Variants in CTC1 observed in about 807,000 individuals in gnomAD.
The protein encoded by CTC1 is CST telomere replication complex component 1, also known as CST complex subunit CTC1.
Under a neutral mutation model 136.3 loss-of-function variants are expected in CTC1, and 91 were observed. The ratio of observed to expected loss-of-function variants is 0.67; its 90% confidence interval spans 0.56 to 0.79. The LOEUF (loss-of-function observed/expected upper bound fraction) is 0.79. CTC1 is among the 30% of genes least tolerant of loss of function. CTC1 has a pLI of 0.00. For synonymous variants in CTC1, 606 were observed against 613.8 expected, an observed-to-expected ratio of 0.99 and a Z score of 0.19; for missense variants, 1,432 against 1,498.1, an observed-to-expected ratio of 0.96 and a Z score of 0.73.
At position 8,229,122 on chromosome 17, in the gene CTC1, T is replaced by C; in HGVS notation, c.3221+20A>G. 1.2e-6 allele frequency: 2 copies of C among 1,612,544 alleles called. No homozygotes were observed. The highest frequency in any genetic ancestry group is 1.7e-6 in the Non-Finnish European group (2 of 1,179,558). ...TCTCATAAGTAAATGGCACAATGGGTGCACGCCTTGTGCTCTCACCTGATG... is the reference window on the plus strand; with the variant it reads ...TCTCATAAGTAAATGGCACAATGGGCGCACGCCTTGTGCTCTCACCTGATG... On this transcript the variant is annotated intron_variant, in intron 20 of 22. Transcript: ENST00000651323.
intron 11 of CTC1, 127 bp from the exon 12 acceptor site, chr17:8,232,602 C>T: frequency 1.3e-6 from 1 of 755,294 alleles, no homozygotes; most frequent in Non-Finnish European, 2.2e-6. Flanking sequence ...GACATGAAAG[C>T]CCACACCTGA....
In CTC1 at chr17:8,234,495, G is replaced by A. The variant is rs767152748; in HGVS notation, c.1778C>T (p.Ser593Phe). The change falls in exon 10 of 23, where the codon TCC becomes TTC. Residue 593 changes from serine (S) to phenylalanine (F), a missense_variant. By Grantham distance (155) the Ser-to-Phe change is radical. Coordinates refer to ENST00000651323, the MANE Select transcript of CTC1 (RefSeq NM_025099.6). ...SCQLNRRLAW[S>F]WLCLLPSAFC... Reference sequence around the variant, plus strand: ...GGCAGAGGGCAGCAGACAGAGCCAGGACCAAGCCAGGCGGCGATTGAGTTG... The same window carrying A: ...GGCAGAGGGCAGCAGACAGAGCCAGAACCAAGCCAGGCGGCGATTGAGTTG... The A allele has an allele frequency of 1.4e-5, 21 of 1,553,450 alleles. No homozygotes were observed. Among genetic ancestry groups the A allele is most frequent in the Non-Finnish European group, 1.8e-5 (21 of 1,147,760 alleles).
intron 7 of CTC1, 60 bp from the exon 8 acceptor site, chr17:8,235,345 G>A: frequency 7.4e-7 from 1 of 1,342,482 alleles, no homozygotes; most frequent in Non-Finnish European, 1.1e-6. Flanking sequence ...AATGAACCCA[G>A]GCAGAGTTAA....
intron 2 of CTC1, among the ~76,000 whole-genome samples, chr17:8,242,559 T>TATATATATATATATACAC (rs1988357637): frequency 3.3e-5 from 3 of 90,444 alleles, no homozygotes; most frequent in East Asian, 8.9e-4. Flanking sequence ...AAAAAATATA[T>TATATATATATATATACAC]ATATATATAT....
intron 7 of CTC1, 148 bp downstream of exon 7, chr17:8,235,683 G>C: frequency 1.2e-6 from 1 of 821,518 alleles, no homozygotes; most frequent in African/African-American, 1.7e-5. Context: ...TTAAGCTTCT[G>C]TCCAAGTTAT....
chr17:8,233,445 G>A (rs1987417718), intron 10 of CTC1: 1 of 161,092 alleles, frequency 6.2e-6, no homozygotes, highest in Non-Finnish European at 1.4e-5. Flanking sequence ...GCAACATAGT[G>A]AGACCCCATC....
chr17:8,235,433 C>T (rs966018908), intron 7 of CTC1, 148 bp from the exon 8 acceptor site: 1 of 635,000 alleles, frequency 1.6e-6, no homozygotes, highest in Admixed American at 2.7e-5. Flanking sequence ...CTTTCCATTA[C>T]AACCCACTCC....
In CTC1 at chr17:8,229,423, A is replaced by G; in HGVS notation, c.3035T>C (p.Leu1012Pro). The change falls in exon 19 of 23, where the codon CTG (leucine) becomes CCG (proline). Residue 1012 changes from leucine to proline, a missense_variant. Leu to Pro is a moderately conservative substitution (Grantham distance 98). Transcript: ENST00000651323. Reference protein sequence around the residue: ...TISIPLPHIYLAELLQGGQSP... With the variant: ...TISIPLPHIYPAELLQGGQSP... ...CTGACCACCCTGCAGAAGTTCAGCCAGGTAGATGTGGGGCAGGGGAATGCT... is the reference window on the plus strand; with the variant it reads ...CTGACCACCCTGCAGAAGTTCAGCCGGGTAGATGTGGGGCAGGGGAATGCT... 1 of 1,613,830 alleles carries G rather than the reference A, an allele frequency of 6.2e-7. No homozygotes were observed. The highest frequency in any genetic ancestry group is 8.5e-7 in the Non-Finnish European group (1 of 1,179,676).
Position 8,231,721 on chromosome 17 carries a change from C to T in CTC1, c.2475+5G>A, listed in dbSNP as rs1987243818. 8.1e-6 allele frequency: 13 copies of T among 1,613,546 alleles called. No homozygotes were observed. The highest frequency in any genetic ancestry group is 1.1e-5 in the Non-Finnish European group (13 of 1,179,536). On this transcript the variant is annotated splice_donor_5th_base_variant and intron_variant, in intron 14 of 22. Coordinates refer to ENST00000651323, the MANE Select transcript of CTC1 (RefSeq NM_025099.6). ...GGGAAAGGTATGATGAAGTAGGACA[C>T]TCACAGCGGGGCCAGGAGCTATGAG...
chr17:8,234,379 G>A (rs1987504271), intron 10 of CTC1, 76 bp downstream of exon 10: 1 of 1,374,384 alleles, frequency 7.3e-7, no homozygotes, highest in African/African-American at 1.4e-5. Flanking sequence ...AAGAAAGATA[G>A]TAACCGAGAC....
In CTC1 at chr17:8,226,247, G is replaced by T. The variant is rs752512394; in HGVS notation, c.*1933C>A. ...TTCAATTGAATAAAGGCACCGCTGGGATTCGAACCCAGGATCTCCTGTTTA... is the reference window on the plus strand; with the variant it reads ...TTCAATTGAATAAAGGCACCGCTGGTATTCGAACCCAGGATCTCCTGTTTA... On this transcript the variant is annotated 3_prime_UTR_variant, in exon 23 of 23. Coordinates refer to ENST00000651323, the MANE Select transcript of CTC1 (RefSeq NM_025099.6). The T allele has an allele frequency of 6.6e-6, 1 of 152,278 alleles. No homozygotes were observed. The highest frequency in any genetic ancestry group is 2.4e-5 in the African/African-American group (1 of 41,432). The allele number at this position is 152,278 out of a possible 1,614,324, so 9.4% of individuals were successfully genotyped here. A position where few individuals can be genotyped will look rare whatever the true frequency, so the allele number is the denominator to read the frequency against.
At chr17:8,238,729 C>A in intron 2 of CTC1, 100 bp from the exon 3 acceptor site, 1 of 843,900 alleles carries the variant, frequency 1.2e-6, no homozygotes, top group Non-Finnish European at 1.9e-6. Flanking sequence ...GGAAAGGTTG[C>A]AGGGAACATG....
rs745711395 is a variant in CTC1 at position 8,229,184 on chromosome 17, G to A, written c.3179C>T (p.Ser1060Phe). The A allele has an allele frequency of 3.1e-6, 5 of 1,614,176 alleles. No homozygotes were observed. The highest frequency in any genetic ancestry group is 1.7e-6 in the Non-Finnish European group (2 of 1,180,038). The change falls in exon 20 of 23, where the codon TCC (serine) becomes TTC (phenylalanine). Residue 1060 changes from serine to phenylalanine, a missense_variant. Ser to Phe is a radical substitution (Grantham distance 155). Coordinates refer to ENST00000651323, the MANE Select transcript of CTC1 (RefSeq NM_025099.6). ...CRQGKCTRLG[S>F]TCPTQTAISQ... ...TATAGCTGTCTGCGTAGGGCAAGTG[G>A]AGCCCAGGCGAGTGCACTTTCCCTG... is the stretch of plus-strand genomic sequence containing the variant.
chr17:8,242,022 G>C (rs1345451254), intron 2 of CTC1, among the ~76,000 whole-genome samples: 1 of 146,004 alleles, frequency 6.8e-6, no homozygotes. Flanking sequence ...CTCCAAGATA[G>C]TGATTATTAT....
At chr17:8,235,488 C>G (rs1987636694) in intron 7 of CTC1, 1 of 603,172 alleles carries the variant, frequency 1.7e-6, no homozygotes, top group South Asian at 2.0e-5. Context: ...CTCAGTCTTG[C>G]TGTGGGCTGG....
rs762606006 is a variant in CTC1, at chr17:8,228,838, A to G, written c.3276T>C (p.His1092=). ...GACACAGCCCTAGTGCTGCTGCCAC[A>G]TGGTGATTCCTACAGGTCACCACGG... The part of the protein sequence containing the change: ...AEAVVTCRNH[H]VAAALGLCPR... The change falls in exon 21 of 23, where the codon CAT becomes CAC. Residue 1092 remains histidine (H), a synonymous_variant. Transcript: ENST00000651323. 1 of 1,613,882 alleles carries G rather than the reference A, an allele frequency of 6.2e-7. No individual in the cohort carries two copies. The highest frequency in any genetic ancestry group is 8.5e-7 in the Non-Finnish European group (1 of 1,179,920).
At position 8,228,872 on chromosome 17, in the gene CTC1, G is replaced by A. The variant is rs764256437; in HGVS notation, c.3242C>T (p.Thr1081Ile). The A allele has an allele frequency of 5.6e-6, 9 of 1,613,524 alleles. No individual in the cohort carries two copies. In the South Asian group the frequency reaches 9.9e-5, roughly 18 times the overall value. The change falls in exon 21 of 23, where the codon ACT becomes ATT. Residue 1081 changes from threonine (T) to isoleucine (I), a missense_variant. Thr to Ile is a moderately conservative substitution (Grantham distance 89, BLOSUM62 -1). Coordinates refer to ENST00000651323, the MANE Select transcript of CTC1 (RefSeq NM_025099.6). The stretch of plus-strand genomic sequence containing the variant: ...CCTACAGGTCACCACGGCTTCGGCA[G>A]TCCCATCCTCCACCAGGAGCCTATG... Reference protein sequence around the residue: ...AIIRLLVEDGTAEAVVTCRNH... With the variant: ...AIIRLLVEDGIAEAVVTCRNH...
Position 8,235,944 on chromosome 17 carries a change from C to T in CTC1, c.1093G>A (p.Val365Met), listed in dbSNP as rs753519460. 3.0e-5 allele frequency: 48 copies of T among 1,608,886 alleles called. No individual in the cohort carries two copies. The highest frequency in any genetic ancestry group is 3.0e-4 in the South Asian group (27 of 90,888). Residue 365 changes from valine (V) to methionine (M), a missense_variant, in exon 7 of 23, where the codon GTG becomes ATG. By Grantham distance (21) the Val-to-Met change is conservative. Coordinates refer to ENST00000651323, the MANE Select transcript of CTC1 (RefSeq NM_025099.6). ...LLSYSGAVTG[V>M]LNEPAGLYEL... ...TAGAGGCCAGCGGGCTCATTCAACA[C>T]GCCAGTGACTGCTCCCTGCAAACAG...
In CTC1 at chr17:8,231,440, T is replaced by C. The variant is rs1317559021; in HGVS notation, c.2505A>G (p.Ser835=). ...ATPMLFEKDG[S]SCISRRPLEL... Reference sequence around the variant, plus strand: ...CCAGAGGACGCCGAGATATGCAGGATGAACCATCCTTTTCAAACAACATTG... The same window carrying C: ...CCAGAGGACGCCGAGATATGCAGGACGAACCATCCTTTTCAAACAACATTG... Residue 835 remains serine, a synonymous_variant, in exon 15 of 23, where the codon TCA becomes TCG. Transcript: ENST00000651323. 2 of 1,611,484 alleles carry C rather than the reference T, an allele frequency of 1.2e-6. No individual in the cohort carries two copies. The highest frequency in any genetic ancestry group is 3.3e-5 in the Admixed American group (2 of 59,744).
Sources: gnomAD v4.1 joint callset for allele counts (sites outside exome capture counted in the v4.1 genomes callset) on GRCh38, gnomAD v4.1.1 for gene constraint, MANE v1.5 for transcripts, NCBI Gene and HGNC (gene_info 2026-07-23, HGNC 2026-07-21) for gene names.